The following EPS15L1 variants were observed in gnomAD, a reference collection of about 807,000 sequenced individuals.
The protein encoded by EPS15L1 is epidermal growth factor receptor substrate 15-like 1.
A neutral mutation model predicts 117.1 loss-of-function variants in EPS15L1; 43 were observed. That is an observed-to-expected ratio of 0.37 (90% CI 0.29 to 0.47). The LOEUF is 0.47. Ranked by LOEUF, EPS15L1 falls within the 20% of genes least tolerant of loss-of-function variation. The pLI is 0.99. For synonymous variants in EPS15L1, 459 were observed against 470.5 expected, an observed-to-expected ratio of 0.98 and a Z score of 0.32; for missense variants, 981 against 1,164.0, an observed-to-expected ratio of 0.84 and a Z score of 2.29.
intron 12 of EPS15L1, among the ~76,000 whole-genome samples, chr19:16,414,255 C>G (rs2092735499): frequency 6.6e-6 from 1 of 152,122 alleles, no homozygotes; most frequent in South Asian, 2.1e-4. Flanking sequence ...CTCGGACCCC[C>G]AGCCGCAGGG....
At chr19:16,416,662 T>C (rs1276609428) in intron 12 of EPS15L1, among the ~76,000 whole-genome samples, 2 of 149,014 alleles carry the variant, frequency 1.3e-5, no homozygotes, top group Non-Finnish European at 3.0e-5. Context: ...AAAAAAAATC[T>C]AGCCAGCATG....
At chr19:16,392,572 G>A (rs1020950313) in intron 18 of EPS15L1, 132 bp from the exon 19 acceptor site, 6 of 878,896 alleles carry the variant, frequency 6.8e-6, no homozygotes, top group Non-Finnish European at 1.0e-5. Context: ...CGGAAAACAG[G>A]ATAATGGTGG....
intron 10 of EPS15L1, 36 bp downstream of exon 10, chr19:16,421,283 C>T: frequency 1.3e-6 from 2 of 1,578,382 alleles, no homozygotes; most frequent in South Asian, 2.3e-5. Flanking sequence ...CCCCTGGAGC[C>T]ACCCACAGCC....
chr19:16,358,538 C>A (rs557247680), intron 23 of EPS15L1, among the ~76,000 whole-genome samples: 1 of 152,228 alleles, frequency 6.6e-6, no homozygotes, highest in South Asian at 2.1e-4. Context: ...AACCGAGACA[C>A]CGTAGGGGCA....
intron 5 of EPS15L1, among the ~76,000 whole-genome samples, chr19:16,437,432 C>T (rs1415018993): frequency 3.9e-5 from 6 of 152,148 alleles, no homozygotes; most frequent in Non-Finnish European, 8.8e-5. Context: ...ATGTCCAGAA[C>T]AGGCAAATCC....
chr19:16,363,401 C>T (rs2092086893), intron 22 of EPS15L1, among the ~76,000 whole-genome samples: 1 of 152,200 alleles, frequency 6.6e-6, no homozygotes, highest in Non-Finnish European at 1.5e-5. Flanking sequence ...CCGCCCACCA[C>T]CTGAGCCTGG....
In EPS15L1 at chr19:16,355,806, C is replaced by G; in HGVS notation, c.2632G>C (p.Glu878Gln). The G allele has an allele frequency of 3.3e-6, 5 of 1,536,138 alleles. No individual in the cohort carries two copies. Among genetic ancestry groups the G allele is most frequent in the African/African-American group, 1.4e-5 (1 of 73,184 alleles). The change falls in exon 24 of 24, where the codon GAG becomes CAG. Residue 878 changes from glutamate (E) to glutamine (Q), a missense_variant. Transcript: ENST00000455140. ...QQLAWAKRESEKAEQERLARL... is the reference protein window; with the variant it reads ...QQLAWAKRESQKAEQERLARL... ...GCCAGCCTCTCCTGTTCCGCCTTCTCGCTCTCCCGCTTGGCCCACGCCAGC... is the reference window on the plus strand; with the variant it reads ...GCCAGCCTCTCCTGTTCCGCCTTCTGGCTCTCCCGCTTGGCCCACGCCAGC...
chr19:16,362,603 G>A (rs1056308893), intron 22 of EPS15L1, among the ~76,000 whole-genome samples: 1 of 146,700 alleles, frequency 6.8e-6, no homozygotes, highest in Non-Finnish European at 1.5e-5. Flanking sequence ...GGCTTATTGC[G>A]GCCTTGGCCT....
intron 22 of EPS15L1, among the ~76,000 whole-genome samples, chr19:16,373,599 G>A (rs1454711229): frequency 6.6e-6 from 1 of 151,996 alleles, no homozygotes; most frequent in Non-Finnish European, 1.5e-5. Context: ...GACTTCACCC[G>A]ACACTCATCT....
rs944595234 is a variant in EPS15L1, at chr19:16,392,242, C to T, written c.2103+62G>A. On this transcript the variant is annotated intron_variant, in intron 19 of 23. Transcript: ENST00000455140. Reference sequence around the variant, plus strand: ...CGAAGGGAAGGGGGCCTTCGGGAAGCGCCACCCTTACCACACAGAGCAGGC... The same window carrying T: ...CGAAGGGAAGGGGGCCTTCGGGAAGTGCCACCCTTACCACACAGAGCAGGC... 117 of 1,594,394 alleles carry T rather than the reference C, an allele frequency of 7.3e-5. No homozygotes were observed. In the South Asian group the frequency reaches 1.1e-3, roughly 14 times the overall value.
Position 16,437,808 on chromosome 19 carries a change from A to C in EPS15L1, c.271T>G (p.Leu91Val). ...ACAQSGHEVT[L>V]SNLNLSMPPP... ...GGCATGCTCAAATTCAGATTGCTCA[A>C]GGTAACTTCATGGCCACTCTGTGCA... Residue 91 changes from leucine (L) to valine (V), a missense_variant, in exon 5 of 24, where the codon TTG becomes GTG. Around this residue, in one of 5 missense-constraint regions of EPS15L1, gnomAD observed 62 missense variants for 104.2 expected, o/e 0.59. Coordinates refer to ENST00000455140, the MANE Select transcript of EPS15L1 (RefSeq NM_001258374.3). 6.2e-7 allele frequency: 1 copy of C among 1,614,150 alleles called. No individual in the cohort carries two copies. Among genetic ancestry groups the C allele is most frequent in the East Asian group, 2.2e-5 (1 of 44,886 alleles).
rs192987877 is a variant in EPS15L1 at position 16,445,432 on chromosome 19, T to C, written c.34-3213A>G. Among the ~76,000 whole-genome samples, 979 of 152,274 alleles carry C rather than the reference T, an allele frequency of 6.4e-3. 10 individuals are homozygous for C. The highest frequency in any genetic ancestry group is 0.022 in the African/African-American group (931 of 41,544). Reference sequence around the variant, plus strand: ...AGAGGTTTTGATCTAATTACACATATGTCAGGTTTTGCATATGCAAAAGCA... The same window carrying C: ...AGAGGTTTTGATCTAATTACACATACGTCAGGTTTTGCATATGCAAAAGCA... On this transcript the variant is annotated intron_variant, in intron 1 of 23. Coordinates refer to ENST00000455140, the MANE Select transcript of EPS15L1 (RefSeq NM_001258374.3).
At chr19:16,414,629 G>A (rs1267417369) in intron 12 of EPS15L1, among the ~76,000 whole-genome samples, 1 of 151,774 alleles carries the variant, frequency 6.6e-6, no homozygotes, top group Non-Finnish European at 1.5e-5. Context: ...TTGATCTCCT[G>A]ACCTAGTGAT....
intron 10 of EPS15L1, among the ~76,000 whole-genome samples, chr19:16,418,830 CAAACTA>C (rs1409300424): frequency 4.6e-5 from 7 of 152,172 alleles, no homozygotes; most frequent in Non-Finnish European, 7.3e-5. Flanking sequence ...TGGCCGTCTA[CAAACTA>C]GGCAGTGAGC....
chr19:16,363,091 G>A (rs2092081509), intron 22 of EPS15L1, among the ~76,000 whole-genome samples: 1 of 151,908 alleles, frequency 6.6e-6, no homozygotes, highest in African/African-American at 2.4e-5. Context: ...AGATCTGCTT[G>A]GTGACGGGAG....
intron 6 of EPS15L1, 56 bp downstream of exon 6, chr19:16,436,881 C>T: frequency 1.5e-5 from 21 of 1,371,056 alleles, no homozygotes; most frequent in Non-Finnish European, 2.1e-5. Context: ...AGAACAACTG[C>T]TGGAACAATT....
intron 22 of EPS15L1, among the ~76,000 whole-genome samples, chr19:16,363,285 G>T (rs769607330): frequency 6.6e-6 from 1 of 152,120 alleles, no homozygotes; most frequent in Non-Finnish European, 1.5e-5. Flanking sequence ...TGGAAGTTTC[G>T]AAGCTAATGT....
chr19:16,374,776 A>G (rs926338637), intron 22 of EPS15L1, among the ~76,000 whole-genome samples: 4 of 152,258 alleles, frequency 2.6e-5, no homozygotes, highest in Non-Finnish European at 4.4e-5. Context: ...GTGTGCACCC[A>G]TATGAGAATA....
intron 1 of EPS15L1, among the ~76,000 whole-genome samples, chr19:16,442,636 C>A (rs535467995): frequency 1.6e-4 from 25 of 152,312 alleles, no homozygotes; most frequent in African/African-American, 6.0e-4. Context: ...AATCACCAGG[C>A]CTGCAAGCTT....
Sources: gnomAD v4.1 joint callset for allele counts (sites outside exome capture counted in the v4.1 genomes callset) on GRCh38, gnomAD v4.1.1 for gene constraint, gnomAD v4.1.1 regional missense constraint, MANE v1.5 for transcripts, NCBI Gene and HGNC (gene_info 2026-07-23, HGNC 2026-07-21) for gene names.